Variants in CYP1A2 observed in about 807,000 individuals in gnomAD.
CYP1A2 encodes the protein cytochrome P450 1A2.
CYP1A2 carries 35 observed loss-of-function variants against 34.7 expected under a neutral mutation model. That is an observed-to-expected ratio of 1.01 (90% confidence interval 0.77 to 1.34). CYP1A2 has a LOEUF of 1.34. Ranked by LOEUF, CYP1A2 falls within the 40% of genes most tolerant of loss-of-function variation. The pLI is 0.00. For synonymous variants in CYP1A2, 288 were observed against 281.9 expected (o/e 1.02, Z -0.22); for missense variants, 675 against 675.8 (o/e 1.00, Z 0.01).
chr15:74,749,722 C>G lies in CYP1A2; in HGVS notation c.-9-8C>G. ...CCCTCAGCCTGGTCCCTCCTTTTTT[C>G]CCTGCAGTTGGTACAGATGGCATTG... On this transcript the variant is annotated splice_region_variant and splice_polypyrimidine_tract_variant and intron_variant, in intron 1 of 6. Coordinates refer to ENST00000343932, the MANE Select transcript of CYP1A2 (RefSeq NM_000761.5). The G allele has an allele frequency of 2.7e-6, 4 of 1,507,880 alleles. No individual in the cohort carries two copies. Among genetic ancestry groups the G allele is most frequent in the Non-Finnish European group, 3.6e-6 (4 of 1,126,536 alleles). 93.4% of individuals were successfully genotyped at this position (1,507,880 alleles called of 1,614,324 possible).
Position 74,755,012 on chromosome 15 carries a change from C to A in CYP1A2, c.1475C>A (p.Thr492Asn). 6.2e-7 allele frequency: 1 copy of A among 1,614,156 alleles called. No homozygotes were observed. The highest frequency in any genetic ancestry group is 8.5e-7 in the Non-Finnish European group (1 of 1,180,024). Residue 492 changes from threonine to asparagine, a missense_variant, in exon 7 of 7, where the codon ACC (threonine) becomes AAC (asparagine). Thr to Asn is a moderately conservative substitution (Grantham distance 65). Transcript: ENST00000343932. ...SVPPGVKVDL[T>N]PIYGLTMKHA... Reference sequence around the variant, plus strand: ...CCGCCGGGCGTGAAAGTCGACCTGACCCCCATCTACGGGCTGACCATGAAG... The same window carrying A: ...CCGCCGGGCGTGAAAGTCGACCTGAACCCCATCTACGGGCTGACCATGAAG...
chr15:74,752,322 G>A, intron 5 of CYP1A2, 75 bp downstream of exon 5: 1 of 1,582,710 alleles, frequency 6.3e-7, no homozygotes, highest in Non-Finnish European at 8.6e-7. Context: ...CTCAGCCCTG[G>A]CCCTGGCTCA....
In CYP1A2 at chr15:74,753,093, T is replaced by G. The variant is rs2063323931; in HGVS notation, c.1167-91T>G. 2.0e-5 allele frequency: 18 copies of G among 920,660 alleles called. 1 individual carries two copies. In the South Asian group the frequency reaches 2.7e-4, roughly 14 times the overall value. The allele number at this position is 920,660 out of a possible 1,614,324, so 57.0% of individuals were successfully genotyped here. ...CCCAGTGTAGGGATGGAGATGGCGG[T>G]GGGCAGGCTGTCTGGATGGGGTGGA... On this transcript the variant is annotated intron_variant, in intron 5 of 6. Coordinates refer to ENST00000343932, the MANE Select transcript of CYP1A2 (RefSeq NM_000761.5).
At chr15:74,749,686 C>A in intron 1 of CYP1A2, 44 bp from the exon 2 acceptor site, 1 of 1,406,160 alleles carries the variant, frequency 7.1e-7, no homozygotes. Context: ...GAATGAATGT[C>A]TCCATCTCAA....
Position 74,755,136 on chromosome 15 carries a change from C to A in CYP1A2, c.*48C>A, listed in dbSNP as rs765991934. ...CCAGGGAGCGAGTGGGGGCCAGCCA[C>A]GGGGACTCAGCCCTTGTTTCTCTTC... On this transcript the variant is annotated 3_prime_UTR_variant, in exon 7 of 7. Transcript: ENST00000343932. 1 of 1,571,568 alleles carries A rather than the reference C, an allele frequency of 6.4e-7. No homozygotes were observed. Among genetic ancestry groups the A allele is most frequent in the African/African-American group, 1.3e-5 (1 of 74,198 alleles).
At chr15:74,753,491 G>A (rs528558182) in intron 6 of CYP1A2, among the ~76,000 whole-genome samples, 117 of 152,282 alleles carry the variant, frequency 7.7e-4, no homozygotes, top group Non-Finnish European at 1.3e-3. Context: ...AGCAGTTTGG[G>A]AGGCCGAGGC....
At chr15:74,754,112 C>G (rs1265761907) in intron 6 of CYP1A2, among the ~76,000 whole-genome samples, 1 of 152,062 alleles carries the variant, frequency 6.6e-6, no homozygotes, top group Non-Finnish European at 1.5e-5. Context: ...CTATGTGGTC[C>G]AGGCTGGTTT....
At chr15:74,751,358 C>T (rs777121760) in intron 3 of CYP1A2, 49 bp downstream of exon 3, 1 of 1,607,968 alleles carries the variant, frequency 6.2e-7, no homozygotes, top group African/African-American at 1.3e-5. Flanking sequence ...TGCTGTTCAC[C>T]CACAGCCTTG....
At position 74,754,934 on chromosome 15, in the gene CYP1A2, G is replaced by A; in HGVS notation, c.1397G>A (p.Trp466Ter). ...RRCIGEVLAK[W>*]EIFLFLAILL... is the part of the protein sequence containing the mutation. ...TGTATCGGGGAAGTCCTGGCCAAGT[G>A]GGAGATCTTCCTCTTCCTGGCCATC... Residue 466 changes from tryptophan (W) to a stop codon, truncating the protein, a stop_gained, in exon 7 of 7, where the codon TGG (tryptophan) becomes TAG (stop). Transcript: ENST00000343932. LOFTEE classifies it low-confidence loss of function (END_TRUNC). 6.2e-7 allele frequency: 1 copy of A among 1,614,234 alleles called. No individual in the cohort carries two copies. Among genetic ancestry groups the A allele is most frequent in the African/African-American group, 1.3e-5 (1 of 75,048 alleles).
chr15:74,752,026 GAC>G (rs1433698317), intron 4 of CYP1A2, 96 bp from the exon 5 acceptor site: 1 of 1,569,000 alleles, frequency 6.4e-7, no homozygotes, highest in Non-Finnish European at 8.7e-7. Flanking sequence ...CTTGTGAATA[GAC>G]AGTCTTACAT....
intron 4 of CYP1A2, 43 bp downstream of exon 4, chr15:74,751,897 G>C: frequency 1.2e-6 from 2 of 1,600,586 alleles, no homozygotes; most frequent in South Asian, 2.2e-5. Flanking sequence ...GAAGCCTTGA[G>C]ACCCAGGTTG....
chr15:74,754,482 C>T (rs2063329261), intron 6 of CYP1A2, among the ~76,000 whole-genome samples: 1 of 150,834 alleles, frequency 6.6e-6, no homozygotes, highest in African/African-American at 2.4e-5. Flanking sequence ...GCCTGTAGTC[C>T]CAGCTACACG....
rs146974121 is a variant in CYP1A2, at chr15:74,749,844, C to A, written c.106C>A (p.Pro36Thr). The change falls in exon 2 of 7, where the codon CCC becomes ACC. Residue 36 changes from proline (P) to threonine (T), a missense_variant. Pro to Thr is a conservative substitution (Grantham distance 38). Transcript: ENST00000343932. ...WVLKGLRPRV[P>T]KGLKSPPEPW... ...GCTCAAGGGTTTGAGGCCTCGGGTC[C>A]CCAAAGGCCTGAAAAGTCCACCAGA... is the stretch of plus-strand genomic sequence containing the variant. The A allele has an allele frequency of 1.2e-6, 2 of 1,606,138 alleles. No homozygotes were observed. The highest frequency in any genetic ancestry group is 1.7e-6 in the Non-Finnish European group (2 of 1,174,264).
Position 74,751,799 on chromosome 15 carries a change from C to A in CYP1A2, c.987C>A (p.Ser329Arg), listed in dbSNP as rs1167543869. ...FDTVTTAISWSLMYLVTKPEI... is the reference protein window; with the variant it reads ...FDTVTTAISWRLMYLVTKPEI... ...CAGTCACCACAGCCATCTCCTGGAG[C>A]CTCATGTACCTTGTGACCAAGCCTG... Residue 329 changes from serine to arginine, a missense_variant, in exon 4 of 7, where the codon AGC becomes AGA. Transcript: ENST00000343932. 1 of 1,614,178 alleles carries A rather than the reference C, an allele frequency of 6.2e-7. No individual in the cohort carries two copies. The highest frequency in any genetic ancestry group is 8.5e-7 in the Non-Finnish European group (1 of 1,180,010).
chr15:74,750,528 C>A lies in CYP1A2; in HGVS notation c.790C>A (p.Leu264Met). The part of the protein sequence containing the change: ...KAFNQRFLWF[L>M]QKTVQEHYQD... ...CTTCAACCAGAGGTTCCTGTGGTTC[C>A]TGCAGAAAACAGTCCAGGAGCACTA... The change falls in exon 2 of 7, where the codon CTG becomes ATG. Residue 264 changes from leucine (L) to methionine (M), a missense_variant. Transcript: ENST00000343932. 1.9e-6 allele frequency: 3 copies of A among 1,614,184 alleles called. No individual in the cohort carries two copies. Among genetic ancestry groups the A allele is most frequent in the Non-Finnish European group, 2.5e-6 (3 of 1,180,032 alleles).
chr15:74,751,051 C>G, intron 2 of CYP1A2, 138 bp from the exon 3 acceptor site: 2 of 1,187,084 alleles, frequency 1.7e-6, no homozygotes, highest in East Asian at 4.8e-5. Context: ...CTGCTGCAAG[C>G]TGCAACCCCC....
At chr15:74,751,937 G>A (rs1284141035) in intron 4 of CYP1A2, 83 bp downstream of exon 4, 5 of 1,531,158 alleles carry the variant, frequency 3.3e-6, no homozygotes, top group Non-Finnish European at 4.5e-6. Context: ...CCTGTTATGT[G>A]CCTGCTGTGT....
chr15:74,750,659 G>C, intron 2 of CYP1A2, 90 bp downstream of exon 2: 1 of 1,143,988 alleles, frequency 8.7e-7, no homozygotes, highest in East Asian at 2.4e-5. Context: ...CACAGCTGCT[G>C]TGTTGCCAAG....
Position 74,754,852 on chromosome 15 carries a change from G to T in CYP1A2, c.1315G>T (p.Ala439Ser). The change falls in exon 7 of 7, where the codon GCC becomes TCC. Residue 439 changes from alanine (A) to serine (S), a missense_variant. Ala to Ser is a moderately conservative substitution (Grantham distance 99, BLOSUM62 1). Coordinates refer to ENST00000343932, the MANE Select transcript of CYP1A2 (RefSeq NM_000761.5). ...PERFLTADGT[A>S]INKPLSEKMM... ...GCGGTTCCTCACCGCCGATGGCACT[G>T]CCATTAACAAGCCCTTGAGTGAGAA... 1 of 1,614,216 alleles carries T rather than the reference G, an allele frequency of 6.2e-7. No individual in the cohort carries two copies. The highest frequency in any genetic ancestry group is 1.1e-5 in the South Asian group (1 of 91,082).
Sources: allele counts gnomAD v4.1 joint callset (sites outside exome capture counted in the v4.1 genomes callset), GRCh38; gene constraint gnomAD v4.1.1; transcripts MANE v1.5; gene names NCBI Gene and HGNC (gene_info 2026-07-23, HGNC 2026-07-21).